The following CISD1 variants were observed in gnomAD, a reference collection of about 807,000 sequenced individuals.
CISD1 encodes the protein CDGSH iron-sulfur domain-containing protein 1.
In CISD1, 8 loss-of-function variants were observed where a neutral mutation model predicts 12.0. The ratio of observed to expected loss-of-function variants is 0.67; its 90% CI spans 0.39 to 1.20. The LOEUF (loss-of-function observed/expected upper bound fraction) is 1.20. Ranked by LOEUF, CISD1 falls within the 50% of genes most tolerant of loss-of-function variation. The pLI is 0.01. For synonymous variants in CISD1, 38 were observed against 42.2 expected, an observed-to-expected ratio of 0.90 and a Z score of 0.39; for missense variants, 107 against 132.7, an observed-to-expected ratio of 0.81 and a Z score of 0.95.
At chr10:58,280,257 C>G (rs1344113069) in intron 2 of CISD1, among the ~76,000 whole-genome samples, 1 of 152,138 alleles carries the variant, frequency 6.6e-6, no homozygotes. Flanking sequence ...TGGGGAGCTC[C>G]TTGACAGGGG....
rs564997829 is a variant in CISD1 at position 58,274,525 on chromosome 10, G to C, written c.32-2592G>C. On this transcript the variant is annotated intron_variant, in intron 1 of 2. Coordinates refer to ENST00000333926, the MANE Select transcript of CISD1 (RefSeq NM_018464.5). ...GATTACAGAATTAGAATTTGGGAAG[G>C]GAAAAAAAAAAAAGAAATGGAAATT... Among the ~76,000 whole-genome samples the C allele has an allele frequency of 2.7e-5, 4 of 146,098 alleles. No individual in the cohort carries two copies. In the South Asian group the frequency reaches 8.5e-4, roughly 31 times the overall value.
Position 58,269,281 on chromosome 10 carries a change from T to C in CISD1, c.8T>C (p.Leu3Pro). The stretch of plus-strand genomic sequence containing the variant: ...CTTGCAAGCGACGGCGCCATGAGTC[T>C]GACTTCCAGTTCCAGCGTACGAGGT... Reference protein sequence around the residue: MSLTSSSSVRVEW... With the variant: MSPTSSSSVRVEW... The change falls in exon 1 of 3, where the codon CTG (leucine) becomes CCG (proline). Residue 3 changes from leucine (L) to proline (P), a missense_variant. Coordinates refer to ENST00000333926, the MANE Select transcript of CISD1 (RefSeq NM_018464.5). 1.2e-6 allele frequency: 2 copies of C among 1,609,232 alleles called. No homozygotes were observed. Among genetic ancestry groups the C allele is most frequent in the South Asian group, 2.2e-5 (2 of 91,054 alleles).
chr10:58,279,659 G>A (rs954860665), intron 2 of CISD1, among the ~76,000 whole-genome samples: 1 of 152,152 alleles, frequency 6.6e-6, no homozygotes, highest in Non-Finnish European at 1.5e-5. Context: ...AAGTAATCTA[G>A]AAATTGTGGA....
Position 58,287,828 on chromosome 10 carries a change from TAAAC to T in CISD1, c.*182_*185del. 9.7e-6 allele frequency: 3 copies of T among 307,774 alleles called. No homozygotes were observed. The highest frequency in any genetic ancestry group is 1.1e-5 in the Non-Finnish European group (2 of 189,110). 19.1% of individuals were successfully genotyped at this position (307,774 alleles called of 1,614,324 possible). Reference sequence around the variant, plus strand: ...TGAAACATCGTGGTGCACATTTGTTTAAACAAAAAAAAAAAAAAAAAGGAAAAAC... The same window carrying T: ...TGAAACATCGTGGTGCACATTTGTTTAAAAAAAAAAAAAAAAAGGAAAAAC... On this transcript the variant is annotated 3_prime_UTR_variant, in exon 3 of 3. Transcript: ENST00000333926.
chr10:58,271,287 G>C (rs1379779554), intron 1 of CISD1, among the ~76,000 whole-genome samples: 1 of 151,688 alleles, frequency 6.6e-6, no homozygotes, highest in Admixed American at 6.6e-5. Flanking sequence ...TGATTCGCCC[G>C]CCTCGGCCTC....
At chr10:58,276,814 T>C (rs1253714346) in intron 1 of CISD1, among the ~76,000 whole-genome samples, 6 of 151,832 alleles carry the variant, frequency 4.0e-5, no homozygotes, top group Admixed American at 3.9e-4. Context: ...TTATAAACAC[T>C]TTTTAAATGA....
chr10:58,276,545 C>A (rs879740388), intron 1 of CISD1, among the ~76,000 whole-genome samples: 3 of 151,758 alleles, frequency 2.0e-5, no homozygotes, highest in Non-Finnish European at 4.4e-5. Context: ...TGAAAATTAA[C>A]ATTAAGGGTG....
chr10:58,269,427 A>C, intron 1 of CISD1, 123 bp downstream of exon 1: 1 of 872,904 alleles, frequency 1.1e-6, no homozygotes, highest in East Asian at 2.6e-5. Flanking sequence ...TGAGATGCAG[A>C]AGGGCAAGCG....
rs559882824 is a variant in CISD1, at chr10:58,280,992, G to A, written c.237+3670G>A. Reference sequence around the variant, plus strand: ...GACAGAAGTCTATGTCATATTTTCCGTAGATGCAACAGTGAATGGAAAGAA... The same window carrying A: ...GACAGAAGTCTATGTCATATTTTCCATAGATGCAACAGTGAATGGAAAGAA... On this transcript the variant is annotated intron_variant, in intron 2 of 2. Transcript: ENST00000333926. Among the ~76,000 whole-genome samples, 15 of 152,326 alleles carry A rather than the reference G, an allele frequency of 9.8e-5. No homozygotes were observed. In the South Asian group the frequency reaches 2.9e-3, roughly 29 times the overall value.
At chr10:58,283,119 T>C (rs1446941690) in intron 2 of CISD1, 4 of 152,136 alleles carry the variant, frequency 2.6e-5, no homozygotes, top group African/African-American at 9.7e-5. Context: ...GTTTTGTCGT[T>C]GGTAGTAGGC....
At position 58,272,369 on chromosome 10, in the gene CISD1, A is replaced by G. The variant is rs544451782; in HGVS notation, c.31+3065A>G. ...CTGTTCATCTTGTACTTCATTATCT[A>G]TCCCAAACCCTGATCACTACAACGC... On this transcript the variant is annotated intron_variant, in intron 1 of 2. Transcript: ENST00000333926. Among the ~76,000 whole-genome samples, 17 of 151,772 alleles carry G rather than the reference A, an allele frequency of 1.1e-4. No individual in the cohort carries two copies. In the South Asian group the frequency reaches 1.7e-3, roughly 15 times the overall value.
chr10:58,284,872 A>G (rs1839412394), intron 2 of CISD1, among the ~76,000 whole-genome samples: 1 of 152,176 alleles, frequency 6.6e-6, no homozygotes, highest in Non-Finnish European at 1.5e-5. Flanking sequence ...GCCTGCATGG[A>G]TTTAATTTAT....
At chr10:58,275,611 A>C (rs1488832276) in intron 1 of CISD1, among the ~76,000 whole-genome samples, 1 of 152,196 alleles carries the variant, frequency 6.6e-6, no homozygotes, top group Admixed American at 6.5e-5. Flanking sequence ...AAGAATGATA[A>C]TGCTACGGGA....
Position 58,286,273 on chromosome 10 carries a change from T to G in CISD1, c.238-1288T>G, listed in dbSNP as rs909395023. ...CTAGCCCTACAAAACACTGAAATGT[T>G]TAAAATGCAAATATCCCAGCGTAGT... On this transcript the variant is annotated intron_variant, in intron 2 of 2. Coordinates refer to ENST00000333926, the MANE Select transcript of CISD1 (RefSeq NM_018464.5). 1.1e-4 allele frequency among the ~76,000 whole-genome samples: 17 copies of G among 151,856 alleles called. 1 individual carries two copies. Among genetic ancestry groups the G allele is most frequent in the Admixed American group, 1.1e-3 (17 of 15,240 alleles).
chr10:58,284,246 G>T (rs2132284392), intron 2 of CISD1, among the ~76,000 whole-genome samples: 1 of 151,964 alleles, frequency 6.6e-6, no homozygotes, highest in East Asian at 1.9e-4. Flanking sequence ...TGAGATGGAA[G>T]GATCCCTTGA....
At chr10:58,276,564 T>C (rs1486277662) in intron 1 of CISD1, among the ~76,000 whole-genome samples, 1 of 151,884 alleles carries the variant, frequency 6.6e-6, no homozygotes, top group Non-Finnish European at 1.5e-5. Flanking sequence ...TGGTTTTGTT[T>C]TGTTTATCTG....
At chr10:58,271,496 T>C (rs1839248912) in intron 1 of CISD1, among the ~76,000 whole-genome samples, 1 of 151,970 alleles carries the variant, frequency 6.6e-6, no homozygotes, top group Non-Finnish European at 1.5e-5. Context: ...GATTTAACTT[T>C]TAATGTTTAG....
In CISD1 at chr10:58,269,592, C is replaced by G. The variant is rs113669353; in HGVS notation, c.31+288C>G. Among the ~76,000 whole-genome samples, 806 of 152,296 alleles carry G rather than the reference C, an allele frequency of 5.3e-3. 5 individuals are homozygous for G. The highest frequency in any genetic ancestry group is 0.018 in the African/African-American group (766 of 41,552). ...CCGCGCCGCTAGCTTTTCTTGTTCACCCCTAAGACGCTTTCATGTCCTTAA... is the reference window on the plus strand; with the variant it reads ...CCGCGCCGCTAGCTTTTCTTGTTCAGCCCTAAGACGCTTTCATGTCCTTAA... On this transcript the variant is annotated intron_variant, in intron 1 of 2. Transcript: ENST00000333926.
In CISD1 at chr10:58,288,973, A is replaced by G. The variant is rs1839459920; in HGVS notation, c.*1323A>G. On this transcript the variant is annotated 3_prime_UTR_variant, in exon 3 of 3. Transcript: ENST00000333926. ...AGCATATCCTATGTAATATATGATCATGGCTATTTTTAAATATGTAGTTTT... is the reference window on the plus strand; with the variant it reads ...AGCATATCCTATGTAATATATGATCGTGGCTATTTTTAAATATGTAGTTTT... The G allele has an allele frequency of 1.3e-5, 2 of 152,232 alleles. No homozygotes were observed. The highest frequency in any genetic ancestry group is 4.8e-5 in the African/African-American group (2 of 41,448). 9.4% of individuals were successfully genotyped at this position (152,232 alleles called of 1,614,324 possible).
Sources: allele counts gnomAD v4.1 joint callset (sites outside exome capture counted in the v4.1 genomes callset), GRCh38; gene constraint gnomAD v4.1.1; transcripts MANE v1.5; gene names NCBI Gene and HGNC (gene_info 2026-07-23, HGNC 2026-07-21).